LRRC8C: variants seen among roughly 807,000 people sequenced by gnomAD.
The protein encoded by LRRC8C is leucine rich repeat containing 8 VRAC subunit C.
A neutral mutation model predicts 55.3 loss-of-function variants in LRRC8C; 20 were observed. The observed-to-expected ratio is 0.36, with a 90% CI of 0.25 to 0.53. The LOEUF (loss-of-function observed/expected upper bound fraction) is 0.53. Ranked by LOEUF, LRRC8C falls within the 20% of genes least tolerant of loss-of-function variation. LRRC8C has a pLI of 0.92. For missense variants in LRRC8C, 659 were observed against 951.4 expected, an observed-to-expected ratio of 0.69 and a Z score of 4.04; for synonymous variants, 376 against 360.7, an observed-to-expected ratio of 1.04 and a Z score of -0.48.
At position 89,662,063 on chromosome 1, in the gene LRRC8C, C is replaced by T. The variant is rs535679477; in HGVS notation, c.-4-24407C>T. Among the ~76,000 whole-genome samples, 7 of 152,224 alleles carry T rather than the reference C, an allele frequency of 4.6e-5. No homozygotes were observed. In the South Asian group the frequency reaches 6.2e-4, roughly 14 times the overall value. On this transcript the variant is annotated intron_variant, in intron 1 of 2. Coordinates refer to ENST00000370454, the MANE Select transcript of LRRC8C (RefSeq NM_032270.5). Reference sequence around the variant, plus strand: ...AAGAAACCACTCTAACAGGGGCATCCGATCTTTTGGCCTCCCTGGGACACA... The same window carrying T: ...AAGAAACCACTCTAACAGGGGCATCTGATCTTTTGGCCTCCCTGGGACACA...
Position 89,714,280 on chromosome 1 carries a change from G to A in LRRC8C, c.1710G>A (p.Met570Ile), listed in dbSNP as rs1300091700. 4 of 1,614,156 alleles carry A rather than the reference G, an allele frequency of 2.5e-6. No homozygotes were observed. The highest frequency in any genetic ancestry group is 4.5e-5 in the East Asian group (2 of 44,886). The change falls in exon 3 of 3, where the codon ATG (methionine) becomes ATA (isoleucine). Residue 570 changes from methionine to isoleucine, a missense_variant. Physicochemically the swap from Met to Ile is conservative, Grantham distance 10 (BLOSUM62 1). Coordinates refer to ENST00000370454, the MANE Select transcript of LRRC8C (RefSeq NM_032270.5). This position sits in a 1 kb window ranked among gnomAD's most constrained non-coding sequence, Gnocchi z 4.6. ...VVDVSSHLQKMCIHNDGTKLV... is the reference protein window; with the variant it reads ...VVDVSSHLQKICIHNDGTKLV... ...ATGTTTCCAGCCATCTCCAGAAGAT[G>A]TGCATACATAATGATGGCACCAAGC...
intron 2 of LRRC8C, among the ~76,000 whole-genome samples, chr1:89,703,528 C>T (rs1315507337): frequency 1.4e-5 from 2 of 144,500 alleles, no homozygotes; most frequent in African/African-American, 5.2e-5. Flanking sequence ...TATAAACAAA[C>T]ACAATCAAGT....
At chr1:89,622,668 A>C in the LRRC8C span, among the ~76,000 whole-genome samples, 1 of 152,128 alleles carries the variant, frequency 6.6e-6, no homozygotes, top group Admixed American at 6.5e-5. Flanking sequence ...CCTGACGTAG[A>C]GTAAATCCTC....
chr1:89,695,873 T>C (rs1658159699), intron 2 of LRRC8C, among the ~76,000 whole-genome samples: 1 of 152,122 alleles, frequency 6.6e-6, no homozygotes, highest in Admixed American at 6.5e-5. Flanking sequence ...TTTTATAAAA[T>C]GAGCAGGATA....
At chr1:89,629,189 T>C (rs753720676), upstream of LRRC8C, among the ~76,000 whole-genome samples, 3 of 152,208 alleles carry the variant, frequency 2.0e-5, no homozygotes, top group Non-Finnish European at 4.4e-5. Flanking sequence ...TTGCTAAAGG[T>C]AGCATTTATC....
At chr1:89,637,898 C>T (rs994888955) in intron 1 of LRRC8C, among the ~76,000 whole-genome samples, 27 of 152,024 alleles carry the variant, frequency 1.8e-4, no homozygotes, top group Admixed American at 7.2e-4. Flanking sequence ...TTCTGGTATT[C>T]GATGGGTGTT....
At chr1:89,707,290 C>A (rs1658509153) in intron 2 of LRRC8C, among the ~76,000 whole-genome samples, 1 of 152,028 alleles carries the variant, frequency 6.6e-6, no homozygotes, top group Non-Finnish European at 1.5e-5. Context: ...ACCTGTAGTC[C>A]CAGCTACTTG....
intron 1 of LRRC8C, among the ~76,000 whole-genome samples, chr1:89,635,228 A>G (rs1182225831): frequency 1.3e-5 from 2 of 152,200 alleles, no homozygotes; most frequent in African/African-American, 4.8e-5. Flanking sequence ...TTCAATTTTT[A>G]CCAAATTGTT....
intron 1 of LRRC8C, among the ~76,000 whole-genome samples, chr1:89,660,007 G>A (rs2390794): frequency 0.3 from 45,532 of 151,828 alleles, 7,071 homozygotes; most frequent in East Asian, 0.37. Flanking sequence ...ACTCAGCCAC[G>A]GGCTTCCAAA....
At chr1:89,709,709 G>GT (rs1236796542) in intron 2 of LRRC8C, among the ~76,000 whole-genome samples, 12 of 147,534 alleles carry the variant, frequency 8.1e-5, no homozygotes, top group Admixed American at 4.0e-4. Context: ...ATTCCTCTGT[G>GT]TTTTTTTGTT....
At position 89,638,621 on chromosome 1, in the gene LRRC8C, A is replaced by G. The variant is rs971918335; in HGVS notation, c.-5+5299A>G. Among the ~76,000 whole-genome samples the G allele has an allele frequency of 2.5e-4, 26 of 102,176 alleles. 2 individuals carry two copies. Among genetic ancestry groups the G allele is most frequent in the Admixed American group, 1.7e-3 (14 of 8,048 alleles). The allele number at this position is 102,176 out of a possible 152,430, so 67.0% of individuals were successfully genotyped here. ...GAATATATACAATACCTTAATTTAC[A>G]CATCCTCTGGAATTAAATTACTTTT... On this transcript the variant is annotated intron_variant, in intron 1 of 2. Coordinates refer to ENST00000370454, the MANE Select transcript of LRRC8C (RefSeq NM_032270.5).
intron 2 of LRRC8C, among the ~76,000 whole-genome samples, chr1:89,694,082 G>C (rs1043508852): frequency 6.6e-6 from 1 of 151,870 alleles, no homozygotes; most frequent in East Asian, 1.9e-4. Context: ...CATCTCTGTG[G>C]GGATGGTAGT....
intron 1 of LRRC8C, among the ~76,000 whole-genome samples, chr1:89,681,443 A>G (rs953755320): frequency 2.0e-5 from 3 of 152,222 alleles, no homozygotes; most frequent in African/African-American, 7.2e-5. Context: ...TGTTAATTCA[A>G]TAAAATCTGG....
the LRRC8C span, among the ~76,000 whole-genome samples, chr1:89,621,331 T>A: frequency 6.9e-6 from 1 of 145,144 alleles, no homozygotes; most frequent in South Asian, 2.2e-4. Context: ...TAGCCAGGCG[T>A]GGTGGCAGGC....
At chr1:89,641,211 T>A (rs941406882) in intron 1 of LRRC8C, among the ~76,000 whole-genome samples, 17 of 152,242 alleles carry the variant, frequency 1.1e-4, no homozygotes, top group Non-Finnish European at 2.1e-4. Context: ...AAAAACTTTT[T>A]GGACAAATAA....
At chr1:89,625,499 A>G in the LRRC8C span, among the ~76,000 whole-genome samples, 1 of 152,234 alleles carries the variant, frequency 6.6e-6, no homozygotes, top group African/African-American at 2.4e-5. Context: ...GTTGTTTCCT[A>G]AAGAGACAAA....
chr1:89,705,586 C>G (rs1201916464), intron 2 of LRRC8C, among the ~76,000 whole-genome samples: 2 of 151,868 alleles, frequency 1.3e-5, no homozygotes, highest in Non-Finnish European at 2.9e-5. Flanking sequence ...TCGAGACCAG[C>G]CTGGGCAACA....
chr1:89,717,721 A>G lies in LRRC8C; in HGVS notation c.*2739A>G, dbSNP rs1282737504. 6.6e-6 allele frequency: 1 copy of G among 152,212 alleles called. No homozygotes were observed. Among genetic ancestry groups the G allele is most frequent in the African/African-American group, 2.4e-5 (1 of 41,462 alleles). The allele number at this position is 152,212 out of a possible 1,614,324, so 9.4% of individuals were successfully genotyped here. A position where few individuals can be genotyped will look rare whatever the true frequency, so the allele number is the denominator to read the frequency against. ...TAGCCCTTAACTGGGAAACTCAGGTAATGAACTGCTGACTTTTCTAAAGTT... is the reference window on the plus strand; with the variant it reads ...TAGCCCTTAACTGGGAAACTCAGGTGATGAACTGCTGACTTTTCTAAAGTT... On this transcript the variant is annotated 3_prime_UTR_variant, in exon 3 of 3. Coordinates refer to ENST00000370454, the MANE Select transcript of LRRC8C (RefSeq NM_032270.5).
Position 89,714,376 on chromosome 1 carries a change from G to A in LRRC8C, c.1806G>A (p.Glu602=). ...TELELVHCDL[E]RIPHAVFSLL... is the part of the protein sequence containing the mutation. Reference sequence around the variant, plus strand: ...TGGAGCTGGTCCACTGTGACCTGGAGCGTATTCCTCATGCTGTGTTCAGCC... The same window carrying A: ...TGGAGCTGGTCCACTGTGACCTGGAACGTATTCCTCATGCTGTGTTCAGCC... Residue 602 remains glutamate (E), a synonymous_variant, in exon 3 of 3, where the codon GAG becomes GAA. Coordinates refer to ENST00000370454, the MANE Select transcript of LRRC8C (RefSeq NM_032270.5). The surrounding 1 kb of genome is among the most constrained non-coding windows in gnomAD (Gnocchi z 4.6). 1 of 1,614,126 alleles carries A rather than the reference G, an allele frequency of 6.2e-7. No homozygotes were observed. The highest frequency in any genetic ancestry group is 1.1e-5 in the South Asian group (1 of 91,060).
Sources: allele counts gnomAD v4.1 joint callset (sites outside exome capture counted in the v4.1 genomes callset), GRCh38; gene constraint gnomAD v4.1.1; non-coding constraint Gnocchi (gnomAD v3.1); transcripts MANE v1.5; gene names NCBI Gene and HGNC (gene_info 2026-07-23, HGNC 2026-07-21).